The following DIAPH2 variants were observed in gnomAD, a reference collection of about 807,000 sequenced individuals.
DIAPH2 encodes diaphanous related formin 2, also known as protein diaphanous homolog 2.
A neutral mutation model predicts 92.7 loss-of-function variants in DIAPH2; 35 were observed. The ratio of observed to expected loss-of-function variants is 0.38; its 90% CI spans 0.29 to 0.50. The LOEUF (loss-of-function observed/expected upper bound fraction) is 0.50, where lower values mean the gene tolerates loss of function less well. Among genes scored for constraint, DIAPH2 ranks in the 20% least tolerant of loss-of-function variants. DIAPH2 has a pLI of 0.94. For missense variants in DIAPH2, 701 were observed against 819.5 expected (o/e 0.86, Z 1.77); for synonymous variants, 301 against 280.4 (o/e 1.07, Z -0.73).
chrX:96,800,092 A>G (rs906483214), intron 4 of DIAPH2, among the ~76,000 whole-genome samples: 4 of 111,469 alleles, frequency 3.6e-5, no homozygotes, highest in South Asian at 7.5e-4. Context: ...ATGTGTTTTG[A>G]TAGTGTATAA....
intron 17 of DIAPH2, among the ~76,000 whole-genome samples, chrX:97,003,574 C>T (rs985010810): frequency 2.0e-4 from 22 of 112,293 alleles, no homozygotes; most frequent in African/African-American, 6.5e-4. Context: ...AGCACCTTTT[C>T]ATATCCCTGT....
chrX:96,983,278 A>G (rs1364853510), intron 17 of DIAPH2, among the ~76,000 whole-genome samples: 1 of 111,007 alleles, frequency 9.0e-6, no homozygotes, highest in Non-Finnish European at 1.9e-5. Context: ...TATGATGACA[A>G]GGGGCTGGGA....
chrX:97,033,987 T>C (rs1339753313), intron 17 of DIAPH2, among the ~76,000 whole-genome samples: 2 of 111,707 alleles, frequency 1.8e-5, no homozygotes, highest in African/African-American at 6.5e-5. Flanking sequence ...ATCTTCTTAT[T>C]ATCTTTTAAG....
At chrX:96,726,099 A>G (rs1411432661) in intron 1 of DIAPH2, among the ~76,000 whole-genome samples, 1 of 112,240 alleles carries the variant, frequency 8.9e-6, no homozygotes, top group Non-Finnish European at 1.9e-5. Flanking sequence ...ATGTCTGGGT[A>G]CATTGCTTCA....
At chrX:97,110,846 G>T (rs1602348736) in intron 20 of DIAPH2, among the ~76,000 whole-genome samples, 1 of 111,117 alleles carries the variant, frequency 9.0e-6, no homozygotes, top group East Asian at 2.8e-4. Flanking sequence ...AGCCGGGCAT[G>T]GTGGCGGCTG....
At chrX:96,941,928 C>A (rs1324398275) in intron 12 of DIAPH2, 90 bp from the exon 13 acceptor site, 1 of 519,236 alleles carries the variant, frequency 1.9e-6, no homozygotes, top group Non-Finnish European at 3.3e-6. Context: ...AGAAAAAAGA[C>A]CTAGTTCTTC....
Position 96,881,649 on chromosome X carries a change from G to A in DIAPH2, c.518G>A (p.Gly173Asp). 1 of 1,207,303 alleles carries A rather than the reference G, an allele frequency of 8.3e-7. No homozygotes were observed. The highest frequency in any genetic ancestry group is 1.7e-5 in the African/African-American group (1 of 57,677). Residue 173 changes from glycine to aspartate, a missense_variant, in exon 5 of 27, where the codon GGT becomes GAT. Physicochemically the swap from Gly to Asp is moderately conservative, Grantham distance 94. Coordinates refer to ENST00000324765, the MANE Select transcript of DIAPH2 (RefSeq NM_006729.5). ...GAATATGTTCATGAATTACGATCGG[G>A]TATATCAGATGAGAAACTTCTTAAT... ...SQEYVHELRSGISDEKLLNCL... is the reference protein window; with the variant it reads ...SQEYVHELRSDISDEKLLNCL...
Position 96,897,875 on chromosome X carries a change from C to A in DIAPH2, c.588-14453C>A, listed in dbSNP as rs1396866078. ...TATCTCCTAAAGCTATCCCTCCCCC[C>A]TCCCCCCACCCCACAACAGTCCCCA... On this transcript the variant is annotated intron_variant, in intron 5 of 26. Coordinates refer to ENST00000324765, the MANE Select transcript of DIAPH2 (RefSeq NM_006729.5). Among the ~76,000 whole-genome samples the A allele has an allele frequency of 2.2e-3, 137 of 61,672 alleles. 2 individuals are homozygous for A. Among genetic ancestry groups the A allele is most frequent in the African/African-American group, 8.2e-3 (134 of 16,303 alleles). 53.6% of individuals were successfully genotyped at this position (61,672 alleles called of 115,157 possible).
At chrX:96,764,272 G>A (rs1346900693) in intron 4 of DIAPH2, among the ~76,000 whole-genome samples, 1 of 110,852 alleles carries the variant, frequency 9.0e-6, no homozygotes, top group Admixed American at 9.7e-5. Context: ...GGGCTTTCAG[G>A]GAATAATTAG....
chrX:96,820,375 T>TGG (rs767102627), intron 4 of DIAPH2, among the ~76,000 whole-genome samples: 1 of 110,430 alleles, frequency 9.1e-6, no homozygotes, highest in Admixed American at 9.6e-5. Flanking sequence ...GGGACCGAGG[T>TGG]GGGGGGATTG....
chrX:97,142,345 A>G (rs1396926049), intron 22 of DIAPH2, among the ~76,000 whole-genome samples: 1 of 111,605 alleles, frequency 9.0e-6, no homozygotes, highest in East Asian at 2.8e-4. Flanking sequence ...ATATGAGGTT[A>G]GGGTTTTACA....
chrX:97,337,749 C>T lies in DIAPH2; in HGVS notation c.2845-10367C>T, dbSNP rs754847261. On this transcript the variant is annotated intron_variant, in intron 23 of 26. Coordinates refer to ENST00000324765, the MANE Select transcript of DIAPH2 (RefSeq NM_006729.5). ...CTGGAAGGTTTGCAGGGAGGCTGTCCTAGTGGGCTGCCACCAGGATAGTTG... is the reference window on the plus strand; with the variant it reads ...CTGGAAGGTTTGCAGGGAGGCTGTCTTAGTGGGCTGCCACCAGGATAGTTG... 2.7e-3 allele frequency among the ~76,000 whole-genome samples: 302 copies of T among 110,961 alleles called. 2 individuals are homozygous for T. The highest frequency in any genetic ancestry group is 4.7e-3 in the Middle Eastern group (1 of 215).
chrX:97,202,359 C>T (rs992827400), intron 22 of DIAPH2, among the ~76,000 whole-genome samples: 4 of 111,845 alleles, frequency 3.6e-5, no homozygotes, highest in African/African-American at 9.7e-5. Flanking sequence ...TTAAAAGACA[C>T]AGACGGGCAA....
At chrX:96,738,496 A>G (rs2064100580) in intron 2 of DIAPH2, 90 bp from the exon 3 acceptor site, 2 of 724,819 alleles carry the variant, frequency 2.8e-6, no homozygotes, top group African/African-American at 2.2e-5. Flanking sequence ...TATGTATTAT[A>G]CTAAGTGCCG....
At chrX:97,280,725 A>G (rs1327886833) in intron 23 of DIAPH2, among the ~76,000 whole-genome samples, 2 of 111,013 alleles carry the variant, frequency 1.8e-5, no homozygotes, top group Admixed American at 9.7e-5. Flanking sequence ...AAGTCTGCAT[A>G]TACAATAGGG....
intron 17 of DIAPH2, among the ~76,000 whole-genome samples, chrX:97,029,007 A>G (rs2066354084): frequency 9.0e-6 from 1 of 111,669 alleles, no homozygotes; most frequent in Admixed American, 9.5e-5. Flanking sequence ...TAGCCATCCT[A>G]ATGAGTATGA....
intron 22 of DIAPH2, among the ~76,000 whole-genome samples, chrX:97,153,021 C>T (rs1254228875): frequency 9.0e-6 from 1 of 111,566 alleles, no homozygotes; most frequent in Non-Finnish European, 1.9e-5. Context: ...GCTTTGTTAC[C>T]AGCTACTTTT....
chrX:97,484,725 C>T (rs1030524657), intron 26 of DIAPH2, among the ~76,000 whole-genome samples: 1 of 111,029 alleles, frequency 9.0e-6, no homozygotes, highest in East Asian at 2.8e-4. Context: ...GGTGAAACCC[C>T]ATCTCTACTA....
At position 97,363,986 on chromosome X, in the gene DIAPH2, T is replaced by A. The variant is rs538025293; in HGVS notation, c.3009+15706T>A. 2.7e-5 allele frequency among the ~76,000 whole-genome samples: 3 copies of A among 112,272 alleles called. No individual in the cohort carries two copies. In the South Asian group the frequency reaches 1.1e-3, roughly 42 times the overall value. On this transcript the variant is annotated intron_variant, in intron 24 of 26. Transcript: ENST00000324765. Reference sequence around the variant, plus strand: ...TTGATCTGATAAACTAATGCAGTACTAATGTGTCACTCATTCTGTATTACA... The same window carrying A: ...TTGATCTGATAAACTAATGCAGTACAAATGTGTCACTCATTCTGTATTACA...
Sources: gnomAD v4.1 joint callset for allele counts (sites outside exome capture counted in the v4.1 genomes callset) on GRCh38, gnomAD v4.1.1 for gene constraint, MANE v1.5 for transcripts, NCBI Gene and HGNC (gene_info 2026-07-23, HGNC 2026-07-21) for gene names.